The following SPAG11A variants were observed in gnomAD, a reference collection of about 807,000 sequenced individuals.
The protein encoded by SPAG11A is sperm-associated antigen 11A.
SPAG11A carries 2 observed loss-of-function variants against 5.5 expected under a neutral mutation model. The observed-to-expected ratio is 0.37, with a 90% confidence interval of 0.15 to 1.15. The LOEUF is 1.15. Among genes scored for constraint, SPAG11A ranks in the 50% most tolerant of loss-of-function variants. The pLI, the probability that SPAG11A is intolerant of heterozygous loss-of-function variation, is 0.38. For missense variants in SPAG11A, 24 were observed against 122.5 expected (o/e 0.20, Z 3.80); for synonymous variants, 11 against 42.7 (o/e 0.26, Z 2.90).
At chr8:7,852,334 A>G (rs1817952966) in intron 2 of SPAG11A, among the ~76,000 whole-genome samples, 1 of 152,028 alleles carries the variant, frequency 6.6e-6, no homozygotes, top group African/African-American at 2.4e-5. Context: ...TTTTTTTGAG[A>G]CAGAGTTTCA....
downstream of SPAG11A, chr8:7,861,091 AGAAACC>A: frequency 3.4e-6 from 1 of 296,462 alleles, no homozygotes; most frequent in East Asian, 1.4e-4. Flanking sequence ...GGAACTGACT[AGAAACC>A]GAGCTCCAAA....
downstream of SPAG11A, among the ~76,000 whole-genome samples, chr8:7,861,656 T>G (rs1005729495): frequency 5.3e-5 from 7 of 132,024 alleles, no homozygotes; most frequent in Non-Finnish European, 1.2e-4. Flanking sequence ...GTAAGGAATT[T>G]AAAAAATAAT....
At chr8:7,852,150 C>T (rs571346627) in intron 2 of SPAG11A, among the ~76,000 whole-genome samples, 4 of 149,310 alleles carry the variant, frequency 2.7e-5, no homozygotes, top group African/African-American at 7.4e-5. Context: ...TTGGTATATC[C>T]GTGGAAGGAA....
chr8:7,852,080 G>A (rs1445495080), intron 2 of SPAG11A, among the ~76,000 whole-genome samples: 1 of 130,950 alleles, frequency 7.6e-6, no homozygotes, highest in East Asian at 2.1e-4. Flanking sequence ...ATGTGTAGTA[G>A]TCGTTCAATT....
Position 7,857,906 on chromosome 8 carries a change from G to A in SPAG11A, c.215-2740G>A, listed in dbSNP as rs1365110546. ...TCCATGTCTAGGTAAGACTCATGGT[G>A]AGATATGGTTGTTGAGGCTGGTTAA... is the stretch of plus-strand genomic sequence containing the variant. On this transcript the variant is annotated intron_variant, in intron 2 of 2. Coordinates refer to ENST00000642566, the Ensembl canonical transcript of SPAG11A. 2.2e-5 allele frequency among the ~76,000 whole-genome samples: 2 copies of A among 92,116 alleles called. 1 individual carries two copies. Among genetic ancestry groups the A allele is most frequent in the African/African-American group, 6.0e-5 (2 of 33,514 alleles). The allele number at this position is 92,116 out of a possible 152,430, so 60.4% of individuals were successfully genotyped here. A position where few individuals can be genotyped will look rare whatever the true frequency, so the allele number is the denominator to read the frequency against.
intron 2 of SPAG11A, among the ~76,000 whole-genome samples, chr8:7,857,443 CTTTTTTTT>C (rs746499721): frequency 4.5e-5 from 2 of 44,702 alleles, no homozygotes; most frequent in African/African-American, 1.2e-4. Context: ...TTCTTTCTTT[CTTTTTTTT>C]TTTTTTTTTT....
chr8:7,861,540 C>CTTGCTTATGGAGATT (rs1563461577), downstream of SPAG11A, among the ~76,000 whole-genome samples: 1 of 144,648 alleles, frequency 6.9e-6, no homozygotes, highest in Non-Finnish European at 1.5e-5. Context: ...AAGGCAGGGC[C>CTTGCTTATGGAGATT]CCTGTTCATG....
intron 2 of SPAG11A, 64 bp from the exon 3 acceptor site, chr8:7,860,582 G>A: frequency 7.2e-7 from 1 of 1,387,840 alleles, no homozygotes; most frequent in Non-Finnish European, 9.7e-7. Context: ...CAGTGGGCTG[G>A]GTTCATCTTC....
intron 2 of SPAG11A, among the ~76,000 whole-genome samples, chr8:7,852,589 T>C (rs1321894383): frequency 6.7e-6 from 1 of 149,860 alleles, no homozygotes; most frequent in Non-Finnish European, 1.5e-5. Flanking sequence ...CGCCTCGGCC[T>C]CCCGAAGTGC....
At chr8:7,852,856 ATTTTT>A (rs747969353) in intron 2 of SPAG11A, among the ~76,000 whole-genome samples, 3 of 38,252 alleles carry the variant, frequency 7.8e-5, no homozygotes, top group Non-Finnish European at 2.0e-4. Flanking sequence ...GAGCCCTTCT[ATTTTT>A]TTTTTTTTTT....
chr8:7,861,725 T>A (rs1405060141), downstream of SPAG11A, among the ~76,000 whole-genome samples: 13 of 131,906 alleles, frequency 9.9e-5, no homozygotes, highest in African/African-American at 2.6e-4. Flanking sequence ...GACTGACAGG[T>A]GGCTTGGGAA....
chr8:7,861,337 TACA>T (rs1430652703), downstream of SPAG11A, among the ~76,000 whole-genome samples: 1 of 145,628 alleles, frequency 6.9e-6, no homozygotes, highest in African/African-American at 2.5e-5. Context: ...AATTTATTAA[TACA>T]ACAAGCTGAT....
intron 2 of SPAG11A, among the ~76,000 whole-genome samples, chr8:7,858,519 C>A (rs1378666720): frequency 1.1e-5 from 1 of 92,356 alleles, no homozygotes; most frequent in African/African-American, 3.0e-5. Context: ...AATATCCTGG[C>A]TCTTCATAAA....
Position 7,852,590 on chromosome 8 carries a change from C to T in SPAG11A, c.214+3747C>T, listed in dbSNP as rs1236368074. ...TCAGGTGATCTGTCCGCCTCGGCCT[C>T]CCGAAGTGCTGGAATTACAGGCGTG... On this transcript the variant is annotated intron_variant, in intron 2 of 2. Transcript: ENST00000642566. 6.2e-4 allele frequency among the ~76,000 whole-genome samples: 95 copies of T among 152,244 alleles called. 1 individual carries two copies. Among genetic ancestry groups the T allele is most frequent in the African/African-American group, 2.2e-3 (93 of 41,500 alleles).
chr8:7,860,898 A>T (rs1465875908), exon 3 of SPAG11A: 1 of 1,056,724 alleles, frequency 9.5e-7, no homozygotes, highest in South Asian at 2.0e-5. Flanking sequence ...TGTGTGGCTT[A>T]TAGTAGGTGT....
Position 7,852,011 on chromosome 8 carries a change from G to C in SPAG11A, c.214+3168G>C, listed in dbSNP as rs1225954877. On this transcript the variant is annotated intron_variant, in intron 2 of 2. Transcript: ENST00000642566. ...GTTATGCCTGGGATAGGGATTGTGC[G>C]GGGAGTGTGTCTCAGCTCTTCCCAC... Among the ~76,000 whole-genome samples the C allele has an allele frequency of 7.3e-4, 89 of 121,648 alleles. 6 individuals are homozygous for C. The highest frequency in any genetic ancestry group is 2.6e-3 in the African/African-American group (85 of 32,530). 79.8% of individuals were successfully genotyped at this position (121,648 alleles called of 152,430 possible).
intron 2 of SPAG11A, among the ~76,000 whole-genome samples, chr8:7,852,638 A>G (rs1817977515): frequency 6.6e-6 from 1 of 151,936 alleles, no homozygotes. Flanking sequence ...CGGCCAGGTT[A>G]CCGCTTTATT....
At chr8:7,858,376 C>T (rs1818100708) in intron 2 of SPAG11A, among the ~76,000 whole-genome samples, 1 of 100,372 alleles carries the variant, frequency 1.0e-5, no homozygotes, top group Admixed American at 1.1e-4. Flanking sequence ...GCCCACAAAC[C>T]TCCCTCCAGC....
At position 7,857,443 on chromosome 8, in the gene SPAG11A, C is replaced by CTT. The variant is rs746499721; in HGVS notation, c.215-3184_215-3183dup. 9.4e-3 allele frequency among the ~76,000 whole-genome samples: 418 copies of CTT among 44,578 alleles called. 2 individuals carry two copies. The highest frequency in any genetic ancestry group is 0.017 in the African/African-American group (277 of 16,070). 29.2% of individuals were successfully genotyped at this position (44,578 alleles called of 152,430 possible). A position where few individuals can be genotyped will look rare whatever the true frequency, so the allele number is the denominator to read the frequency against. ...CAAATGAAATTGCTTTTCTTTCTTT[C>CTT]TTTTTTTTTTTTTTTTTTTTGAGAG... On this transcript the variant is annotated intron_variant, in intron 2 of 2. Coordinates refer to ENST00000642566, the Ensembl canonical transcript of SPAG11A.
Sources: allele counts gnomAD v4.1 joint callset (sites outside exome capture counted in the v4.1 genomes callset), GRCh38; gene constraint gnomAD v4.1.1; transcripts MANE v1.5; gene names NCBI Gene and HGNC (gene_info 2026-07-23, HGNC 2026-07-21).